The following PKD1L1 variants were observed in gnomAD, a reference collection of about 807,000 sequenced individuals.
PKD1L1 encodes the protein polycystin 1 like 1, transient receptor potential channel interacting, also known as polycystin-1-like protein 1.
PKD1L1 carries 236 observed loss-of-function variants against 323.4 expected under a neutral mutation model. The ratio of observed to expected loss-of-function variants is 0.73; its 90% confidence interval spans 0.66 to 0.81. The LOEUF is 0.81. PKD1L1 is among the 40% of genes least tolerant of loss of function. PKD1L1 has a pLI of 0.00. For missense variants in PKD1L1, 3,320 were observed against 3,508.0 expected (o/e 0.95, Z 1.35); for synonymous variants, 1,344 against 1,335.0 (o/e 1.01, Z -0.15).
intron 15 of PKD1L1, 86 bp downstream of exon 15, chr7:47,893,792 T>TTAA (rs1287284200): frequency 7.2e-7 from 1 of 1,383,546 alleles, no homozygotes. Flanking sequence ...TTTAAAACTA[T>TTAA]TAATAGCCTC....
chr7:47,821,076 C>A lies in PKD1L1; in HGVS notation c.6965G>T (p.Arg2322Ile). The change falls in exon 46 of 57, where the codon AGA (arginine) becomes ATA (isoleucine). Residue 2322 changes from arginine (R) to isoleucine (I), a missense_variant and splice_region_variant. By Grantham distance (97) the Arg-to-Ile change is moderately conservative. Coordinates refer to ENST00000289672, the MANE Select transcript of PKD1L1 (RefSeq NM_138295.5). ...TGGAAGAGTTACCCAAACCTCCTACCTTGTAAATTCTTTCCGGATAGCTTG... is the reference window on the plus strand; with the variant it reads ...TGGAAGAGTTACCCAAACCTCCTACATTGTAAATTCTTTCCGGATAGCTTG... ...LNQAIRKEFT[R>I]NARNCLGGLR... 6.4e-7 allele frequency: 1 copy of A among 1,567,558 alleles called. No individual in the cohort carries two copies. Among genetic ancestry groups the A allele is most frequent in the Non-Finnish European group, 8.8e-7 (1 of 1,137,798 alleles).
At chr7:47,843,232 T>G in intron 33 of PKD1L1, 63 bp from the exon 34 acceptor site, 1 of 1,277,606 alleles carries the variant, frequency 7.8e-7, no homozygotes, top group Non-Finnish European at 1.1e-6. Flanking sequence ...AGGAAAAGAC[T>G]GATTGCCACC....
chr7:47,828,097 T>G (rs1785271799), intron 44 of PKD1L1, among the ~76,000 whole-genome samples: 1 of 152,096 alleles, frequency 6.6e-6, no homozygotes, highest in Non-Finnish European at 1.5e-5. Flanking sequence ...AAGCTGCACA[T>G]GCAGAGTGTT....
At chr7:47,960,059 A>G in the PKD1L1 span, among the ~76,000 whole-genome samples, 70,478 of 151,358 alleles carry the variant, frequency 0.47, 17,014 homozygotes, top group East Asian at 0.53. Context: ...CCTGTTGATC[A>G]GTGACCCTAT....
At chr7:47,866,335 A>G (rs2128744003) in intron 25 of PKD1L1, 84 bp downstream of exon 25, 1 of 1,426,092 alleles carries the variant, frequency 7.0e-7, no homozygotes, top group Non-Finnish European at 9.6e-7. Flanking sequence ...AAGCATGACC[A>G]CTTGCTAGTG....
At chr7:47,830,723 T>G (rs1785329787) in intron 42 of PKD1L1, among the ~76,000 whole-genome samples, 1 of 152,156 alleles carries the variant, frequency 6.6e-6, no homozygotes, top group Non-Finnish European at 1.5e-5. Context: ...CCACACTGAG[T>G]GACCCTGGGG....
At chr7:47,868,432 A>G (rs1278400278) in intron 24 of PKD1L1, among the ~76,000 whole-genome samples, 1 of 152,212 alleles carries the variant, frequency 6.6e-6, no homozygotes, top group Non-Finnish European at 1.5e-5. Context: ...AGGTGGAAAT[A>G]AAACTATACA....
chr7:47,913,785 A>G (rs981416161), intron 8 of PKD1L1, among the ~76,000 whole-genome samples: 5 of 152,334 alleles, frequency 3.3e-5, no homozygotes, highest in African/African-American at 1.2e-4. Context: ...AGTGTCAGGT[A>G]TTTCTTTATA....
upstream of PKD1L1, among the ~76,000 whole-genome samples, chr7:47,952,551 C>G (rs917217163): frequency 1.3e-5 from 2 of 152,192 alleles, 1 homozygote; most frequent in Admixed American, 1.3e-4. Flanking sequence ...CCCAGAAGAG[C>G]TCTGGGGCCT....
intron 8 of PKD1L1, among the ~76,000 whole-genome samples, chr7:47,912,544 G>A (rs182636160): frequency 0.011 from 1,641 of 152,144 alleles, 34 homozygotes; most frequent in African/African-American, 0.034. Context: ...GGCTGGGCAC[G>A]GTGGCTCAGA....
rs761812760 is a variant in PKD1L1, at chr7:47,873,995, T to A, written c.3800A>T (p.Glu1267Val). The A allele has an allele frequency of 6.2e-7, 1 of 1,611,704 alleles. No homozygotes were observed. Among genetic ancestry groups the A allele is most frequent in the Admixed American group, 1.7e-5 (1 of 59,882 alleles). Residue 1267 changes from glutamate (E) to valine (V), a missense_variant, in exon 24 of 57, where the codon GAA becomes GTA. Coordinates refer to ENST00000289672, the MANE Select transcript of PKD1L1 (RefSeq NM_138295.5). ...LDNYKVMVST[E>V]ITDGKGSKVQ... ...CTTGGAGCCTTTGCCATCTGTGATT[T>A]CAGTGGAAACCATGACTGTGAGGGA...
rs1785634083 is a variant in PKD1L1, at chr7:47,844,983, A to G, written c.5237+12T>C. ...AAGTCTATGAAGTCTTTATGTAGGAAATGGAACTTACCTCTGTAGCTTGGA... is the reference window on the plus strand; with the variant it reads ...AAGTCTATGAAGTCTTTATGTAGGAGATGGAACTTACCTCTGTAGCTTGGA... On this transcript the variant is annotated intron_variant, in intron 33 of 56. Coordinates refer to ENST00000289672, the MANE Select transcript of PKD1L1 (RefSeq NM_138295.5). 6.2e-7 allele frequency: 1 copy of G among 1,607,394 alleles called. No homozygotes were observed. The highest frequency in any genetic ancestry group is 8.5e-7 in the Non-Finnish European group (1 of 1,174,682).
chr7:47,822,811 C>G (rs767660867), intron 45 of PKD1L1, among the ~76,000 whole-genome samples: 1 of 152,134 alleles, frequency 6.6e-6, no homozygotes, highest in Non-Finnish European at 1.5e-5. Context: ...CATCCATGTA[C>G]TTCATTTATT....
chr7:47,861,921 G>C (rs71547868), intron 26 of PKD1L1, among the ~76,000 whole-genome samples: 2 of 143,784 alleles, frequency 1.4e-5, no homozygotes, highest in East Asian at 2.1e-4. Flanking sequence ...TGGGCCAGGC[G>C]TGGTGGCTCA....
intron 31 of PKD1L1, among the ~76,000 whole-genome samples, chr7:47,852,008 CTTGAATTAATG>C (rs886141076): frequency 6.6e-6 from 1 of 152,156 alleles, no homozygotes; most frequent in Non-Finnish European, 1.5e-5. Context: ...AATAGATATT[CTTGAATTAATG>C]TTGATTTCTT....
chr7:47,907,889 C>T (rs927038910), intron 9 of PKD1L1, among the ~76,000 whole-genome samples, 188 bp downstream of exon 9: 4 of 152,128 alleles, frequency 2.6e-5, no homozygotes, highest in Non-Finnish European at 5.9e-5. Context: ...CTTTGTATGA[C>T]TTTATCTTCA....
chr7:47,850,883 T>G (rs543108288), intron 31 of PKD1L1, among the ~76,000 whole-genome samples: 3 of 152,320 alleles, frequency 2.0e-5, no homozygotes, highest in African/African-American at 7.2e-5. Context: ...ACAGGTGCTT[T>G]AATTCTAAAA....
In PKD1L1 at chr7:47,855,692, C is replaced by T. The variant is rs1258353920; in HGVS notation, c.4591-427G>A. 9.9e-5 allele frequency among the ~76,000 whole-genome samples: 11 copies of T among 111,032 alleles called. 3 individuals are homozygous for T. The highest frequency in any genetic ancestry group is 4.6e-4 in the African/African-American group (10 of 21,876). 72.8% of individuals were successfully genotyped at this position (111,032 alleles called of 152,430 possible). A position where few individuals can be genotyped will look rare whatever the true frequency, so the allele number is the denominator to read the frequency against. On this transcript the variant is annotated intron_variant, in intron 28 of 56. Transcript: ENST00000289672. ...GAGATCGAGACCATCCCGGCTATAA[C>T]GGTGAAACCCCGTCTCTACTAAAAA...
At chr7:47,862,800 A>G (rs1188260001) in intron 26 of PKD1L1, among the ~76,000 whole-genome samples, 1 of 152,174 alleles carries the variant, frequency 6.6e-6, no homozygotes, top group Non-Finnish European at 1.5e-5. Context: ...AAGCCAGGAA[A>G]GGAGGACAGA....
Sources: gnomAD v4.1 joint callset for allele counts (sites outside exome capture counted in the v4.1 genomes callset) on GRCh38, gnomAD v4.1.1 for gene constraint, MANE v1.5 for transcripts, NCBI Gene and HGNC (gene_info 2026-07-23, HGNC 2026-07-21) for gene names.